CELF2: variants seen among roughly 807,000 people sequenced by gnomAD.
The protein encoded by CELF2 is CUG triplet repeat RNA-binding protein 2.
CELF2 carries 8 observed loss-of-function variants against 62.6 expected under a neutral mutation model. The ratio of observed to expected loss-of-function variants is 0.13; its 90% CI spans 0.07 to 0.23. The LOEUF (loss-of-function observed/expected upper bound fraction) is 0.23. CELF2 is among the 10% of genes least tolerant of loss of function. The pLI, the probability that CELF2 is intolerant of heterozygous loss-of-function variation, is 1.00. For missense variants in CELF2, 333 were observed against 671.0 expected, an observed-to-expected ratio of 0.50 and a Z score of 5.56; for synonymous variants, 258 against 250.0, an observed-to-expected ratio of 1.03 and a Z score of -0.30.
At chr10:11,208,343 C>T (rs896295120) in intron 2 of CELF2, among the ~76,000 whole-genome samples, 3 of 152,172 alleles carry the variant, frequency 2.0e-5, no homozygotes, top group Non-Finnish European at 2.9e-5. Flanking sequence ...ACACAGGCGC[C>T]TTCGGGATGC....
intron 2 of CELF2, among the ~76,000 whole-genome samples, chr10:10,921,308 C>A (rs369679717): frequency 6.6e-6 from 1 of 151,534 alleles, no homozygotes; most frequent in African/African-American, 2.4e-5. Flanking sequence ...CTCCTTCTGT[C>A]GCCCAGGCTG....
At chr10:11,043,884 A>C (rs1015241447) in intron 1 of CELF2, among the ~76,000 whole-genome samples, 2 of 152,152 alleles carry the variant, frequency 1.3e-5, no homozygotes, top group Non-Finnish European at 2.9e-5. Context: ...TCCTTAAAAT[A>C]TCCCACAGCC....
chr10:10,804,789 C>A (rs981486652), intron 1 of CELF2, among the ~76,000 whole-genome samples: 3 of 152,170 alleles, frequency 2.0e-5, no homozygotes, highest in African/African-American at 7.2e-5. Flanking sequence ...CTTTCTTTTT[C>A]ATTTCTGTCT....
At chr10:10,485,996 C>G in the CELF2 span, among the ~76,000 whole-genome samples, 1 of 152,162 alleles carries the variant, frequency 6.6e-6, no homozygotes, top group African/African-American at 2.4e-5. Flanking sequence ...AGACCATTTT[C>G]CAATGAGTTA....
chr10:11,126,303 C>G (rs1218570745), intron 1 of CELF2, among the ~76,000 whole-genome samples: 1 of 152,192 alleles, frequency 6.6e-6, no homozygotes, highest in African/African-American at 2.4e-5. Context: ...CCTTTTCTCT[C>G]ACATGTCTAC....
At chr10:11,228,638 G>T (rs780300257) in intron 3 of CELF2, among the ~76,000 whole-genome samples, 1 of 150,320 alleles carries the variant, frequency 6.7e-6, no homozygotes, top group Non-Finnish European at 1.5e-5. Context: ...GGAAGCATTA[G>T]CCTAGATTTT....
At chr10:10,513,161 T>C in the CELF2 span, among the ~76,000 whole-genome samples, 3 of 152,238 alleles carry the variant, frequency 2.0e-5, no homozygotes, top group Non-Finnish European at 4.4e-5. Flanking sequence ...TCTGTGTACC[T>C]TAGTAGTTTA....
Position 11,319,936 on chromosome 10 carries a change from C to A in CELF2, c.1097-1253C>A. ...TCTGCTGCCGGATTCTCTGGTGTTT[C>A]CAGGCAGCCTTACCTTAGCTGTCCT... On this transcript the variant is annotated intron_variant, in intron 10 of 12. Transcript: ENST00000633077. The surrounding 1 kb of genome is among the most constrained non-coding windows in gnomAD (Gnocchi z 4.4). 2.1e-6 allele frequency: 1 copy of A among 466,742 alleles called. No homozygotes were observed. The highest frequency in any genetic ancestry group is 1.6e-5 in the South Asian group (1 of 64,348). The allele number at this position is 466,742 out of a possible 1,614,324, so 28.9% of individuals were successfully genotyped here. A position where few individuals can be genotyped will look rare whatever the true frequency, so the allele number is the denominator to read the frequency against.
At chr10:10,511,168 G>T in the CELF2 span, among the ~76,000 whole-genome samples, 8 of 152,202 alleles carry the variant, frequency 5.3e-5, no homozygotes, top group African/African-American at 1.9e-4. Flanking sequence ...TCAGCACTTT[G>T]GGAGGCCAAG....
At chr10:10,984,332 G>T (rs1165505612) in intron 2 of CELF2, among the ~76,000 whole-genome samples, 2 of 152,150 alleles carry the variant, frequency 1.3e-5, no homozygotes, top group Non-Finnish European at 2.9e-5. Context: ...GAGCAATGCA[G>T]GCTGCCAAGT....
At chr10:10,690,964 T>C in the CELF2 span, among the ~76,000 whole-genome samples, 1 of 152,128 alleles carries the variant, frequency 6.6e-6, no homozygotes, top group African/African-American at 2.4e-5. Flanking sequence ...CAGTTTTCTT[T>C]TCAGAGAAAA....
chr10:10,802,364 G>A (rs750465626), intron 1 of CELF2, among the ~76,000 whole-genome samples: 1 of 152,234 alleles, frequency 6.6e-6, no homozygotes, highest in Non-Finnish European at 1.5e-5. Context: ...CAGCTACTCA[G>A]GAGGCTGAGG....
intron 2 of CELF2, among the ~76,000 whole-genome samples, chr10:10,958,601 T>C (rs2049147627): frequency 6.6e-6 from 1 of 152,108 alleles, no homozygotes; most frequent in African/African-American, 2.4e-5. Context: ...CTCAGAGGTT[T>C]GGGAGGCCCA....
the CELF2 span, among the ~76,000 whole-genome samples, chr10:10,654,814 A>T: frequency 6.7e-6 from 1 of 150,366 alleles, no homozygotes; most frequent in East Asian, 1.9e-4. Context: ...GGCACAGGAC[A>T]GGGATGCCCT....
intron 1 of CELF2, among the ~76,000 whole-genome samples, chr10:10,871,781 C>G (rs1457434458): frequency 6.6e-6 from 1 of 152,064 alleles, no homozygotes; most frequent in African/African-American, 2.4e-5. Flanking sequence ...TTTCCAGGGA[C>G]CACTGGGAGC....
chr10:10,667,636 A>G, the CELF2 span, among the ~76,000 whole-genome samples: 1 of 152,202 alleles, frequency 6.6e-6, no homozygotes, highest in Non-Finnish European at 1.5e-5. Flanking sequence ...TGGATCTTGG[A>G]AACGTTCTCC....
At chr10:10,946,848 A>T (rs1055398784) in intron 2 of CELF2, 2 of 152,214 alleles carry the variant, frequency 1.3e-5, no homozygotes, top group African/African-American at 4.8e-5. Flanking sequence ...TTTGCTCCAG[A>T]GACTATGTTC....
chr10:10,885,501 T>A (rs1301217885), intron 1 of CELF2, among the ~76,000 whole-genome samples: 6 of 151,846 alleles, frequency 4.0e-5, no homozygotes, highest in Admixed American at 6.6e-5. Context: ...TCCTCTGACT[T>A]CCTGAAGTTT....
At chr10:10,767,995 C>CAAAAA in the CELF2 span, among the ~76,000 whole-genome samples, 8 of 23,048 alleles carry the variant, frequency 3.5e-4, 1 homozygote, top group African/African-American at 1.5e-3. Context: ...GACTCCGTCT[C>CAAAAA]AAAAAAAAAA....
Sources: allele counts gnomAD v4.1 joint callset (sites outside exome capture counted in the v4.1 genomes callset), GRCh38; gene constraint gnomAD v4.1.1; non-coding constraint Gnocchi (gnomAD v3.1); transcripts MANE v1.5; gene names NCBI Gene and HGNC (gene_info 2026-07-23, HGNC 2026-07-21).